Variants in XPNPEP3 observed in about 807,000 individuals in gnomAD.
The protein encoded by XPNPEP3 is X-prolyl aminopeptidase 3.
In XPNPEP3, 41 loss-of-function variants were observed where a neutral mutation model predicts 60.0. That is an observed-to-expected ratio of 0.68 (90% confidence interval 0.53 to 0.89). XPNPEP3 has a LOEUF of 0.89. XPNPEP3 is among the 40% of genes least tolerant of loss of function. The pLI is 0.00. For missense variants in XPNPEP3, 598 were observed against 638.9 expected (o/e 0.94, Z 0.69); for synonymous variants, 212 against 223.2 (o/e 0.95, Z 0.45).
rs558239960 is a variant in XPNPEP3 at position 40,872,999 on chromosome 22, G to C, written c.181+3884G>C. 3.3e-5 allele frequency among the ~76,000 whole-genome samples: 5 copies of C among 151,704 alleles called. No individual in the cohort carries two copies. The East Asian group carries it at 9.7e-4, about 29-fold the overall frequency. ...ATATGTGGTATAGTTTGGAATGCTA[G>C]GTTTAAAAAGGGCTACTCAGGGAGT... is the stretch of plus-strand genomic sequence containing the variant. On this transcript the variant is annotated intron_variant, in intron 2 of 9. Transcript: ENST00000357137.
chr22:40,878,721 G>T (rs2058036704), intron 2 of XPNPEP3, among the ~76,000 whole-genome samples: 1 of 151,798 alleles, frequency 6.6e-6, no homozygotes, highest in Non-Finnish European at 1.5e-5. Flanking sequence ...CAAGTAGCTG[G>T]GACTACAGGT....
chr22:40,882,772 A>AT (rs1248216548), intron 3 of XPNPEP3, among the ~76,000 whole-genome samples: 1 of 152,144 alleles, frequency 6.6e-6, no homozygotes, highest in Admixed American at 6.5e-5. Context: ...AAAGTATATA[A>AT]TTTAAGAGTT....
intron 3 of XPNPEP3, 134 bp downstream of exon 3, chr22:40,882,311 A>G (rs1374974825): frequency 2.9e-6 from 3 of 1,027,780 alleles, no homozygotes; most frequent in Admixed American, 2.4e-5. Context: ...AAAGAAATGT[A>G]AAGTCTTTTT....
rs2058236080 is a variant in XPNPEP3 at position 40,926,809 on chromosome 22, T to C, written c.*374T>C. 1 of 316,308 alleles carries C rather than the reference T, an allele frequency of 3.2e-6. No individual in the cohort carries two copies. 19.6% of individuals were successfully genotyped at this position (316,308 alleles called of 1,614,324 possible). ...TCAAGTCCTTCCCTTTCTATACTTT[T>C]GCTGAGATCAACCCAATATCATAAG... On this transcript the variant is annotated 3_prime_UTR_variant, in exon 10 of 10. Coordinates refer to ENST00000357137, the MANE Select transcript of XPNPEP3 (RefSeq NM_022098.4).
chr22:40,862,696 T>G (rs1002902048), intron 1 of XPNPEP3: 10 of 985,348 alleles, frequency 1.0e-5, no homozygotes, highest in African/African-American at 7.0e-5. Flanking sequence ...CATTTGAGAT[T>G]ATAGTATCTT....
intron 2 of XPNPEP3, among the ~76,000 whole-genome samples, chr22:40,878,664 G>A (rs1425677445): frequency 6.6e-6 from 1 of 150,844 alleles, no homozygotes; most frequent in Non-Finnish European, 1.5e-5. Flanking sequence ...TCAGCTCACT[G>A]CAACCTCTGC....
At position 40,931,505 on chromosome 22, in the gene XPNPEP3, G is replaced by C. The variant is rs1406098753; in HGVS notation, c.*5070G>C. The stretch of plus-strand genomic sequence containing the variant: ...AAGGAGGGATGGTCACTTGAGCCCA[G>C]GAGTTTGAGACCAGCCTAGGCAACA... On this transcript the variant is annotated 3_prime_UTR_variant, in exon 10 of 10. Coordinates refer to ENST00000357137, the MANE Select transcript of XPNPEP3 (RefSeq NM_022098.4). 5 of 152,360 alleles carry C rather than the reference G, an allele frequency of 3.3e-5. No homozygotes were observed. Among genetic ancestry groups the C allele is most frequent in the Admixed American group, 3.3e-4 (5 of 15,284 alleles). The allele number at this position is 152,360 out of a possible 1,614,324, so 9.4% of individuals were successfully genotyped here. A position where few individuals can be genotyped will look rare whatever the true frequency, so the allele number is the denominator to read the frequency against.
chr22:40,886,352 C>CA lies in XPNPEP3; in HGVS notation c.630dup (p.His211ThrfsTer7). ...GTTTGGTATGACTGGATGAGGCCCT[C>CA]ACATGCACAGCTTCACTCTGACTAT... On this transcript the variant is annotated frameshift_variant, in exon 4 of 10. Coordinates refer to ENST00000357137, the MANE Select transcript of XPNPEP3 (RefSeq NM_022098.4). LOFTEE classifies it high-confidence loss of function. 1.9e-6 allele frequency: 3 copies of CA among 1,614,150 alleles called. No homozygotes were observed. The highest frequency in any genetic ancestry group is 2.5e-6 in the Non-Finnish European group (3 of 1,180,030).
chr22:40,928,387 A>T lies in XPNPEP3; in HGVS notation c.*1952A>T, dbSNP rs1787975256. ...ATGCCCAGCTAATTTTTTGTATTTT[A>T]GTAGAGACAGGGTTTCACCCTGTTG... On this transcript the variant is annotated 3_prime_UTR_variant, in exon 10 of 10. Transcript: ENST00000357137. The T allele has an allele frequency of 1.3e-5, 2 of 152,036 alleles. No homozygotes were observed. Among genetic ancestry groups the T allele is most frequent in the Non-Finnish European group, 2.9e-5 (2 of 68,032 alleles). The allele number at this position is 152,036 out of a possible 1,614,324, so 9.4% of individuals were successfully genotyped here.
At chr22:40,912,048 A>G (rs1329798044) in intron 6 of XPNPEP3, among the ~76,000 whole-genome samples, 2 of 152,210 alleles carry the variant, frequency 1.3e-5, no homozygotes, top group African/African-American at 4.8e-5. Flanking sequence ...AAATGCAAAC[A>G]GTGCCAATTT....
In XPNPEP3 at chr22:40,907,657, T is replaced by G; in HGVS notation, c.855+8T>G. ...GCCTTTCTTTATGCTAAGGTGAGAT[T>G]CAGATGGTTAGCTTCACCATCTTGT... On this transcript the variant is annotated splice_region_variant and intron_variant, in intron 5 of 9. Coordinates refer to ENST00000357137, the MANE Select transcript of XPNPEP3 (RefSeq NM_022098.4). The G allele has an allele frequency of 1.2e-6, 2 of 1,613,110 alleles. No homozygotes were observed. Among genetic ancestry groups the G allele is most frequent in the Non-Finnish European group, 1.7e-6 (2 of 1,179,106 alleles).
intron 1 of XPNPEP3, chr22:40,860,733 A>T (rs531420664): frequency 1.2e-6 from 1 of 839,578 alleles, no homozygotes; most frequent in African/African-American, 1.7e-5. Flanking sequence ...TTACACTGCA[A>T]CCTATGTCTT....
intron 3 of XPNPEP3, among the ~76,000 whole-genome samples, chr22:40,885,576 G>A (rs1268328255): frequency 1.3e-5 from 2 of 152,122 alleles, no homozygotes; most frequent in African/African-American, 2.4e-5. Flanking sequence ...GAAAGGATGG[G>A]ACACTTTACC....
chr22:40,922,401 G>A lies in XPNPEP3; in HGVS notation c.1124G>A (p.Cys375Tyr). ...ATCCAAAGAGATTGTTTGGCCCTCT[G>A]CTTCCCTGGGACAAGCTTGGAGAAC... ...LEIQRDCLAL[C>Y]FPGTSLENIY... The change falls in exon 8 of 10, where the codon TGC (cysteine) becomes TAC (tyrosine). Residue 375 changes from cysteine (C) to tyrosine (Y), a missense_variant. Transcript: ENST00000357137. 6.2e-7 allele frequency: 1 copy of A among 1,613,806 alleles called. No homozygotes were observed. Among genetic ancestry groups the A allele is most frequent in the South Asian group, 1.1e-5 (1 of 91,068 alleles).
intron 4 of XPNPEP3, among the ~76,000 whole-genome samples, chr22:40,903,271 A>T (rs2058141823): frequency 6.6e-6 from 1 of 152,134 alleles, no homozygotes; most frequent in South Asian, 2.1e-4. Flanking sequence ...GCTTCTCTAT[A>T]TTCTACCTTT....
chr22:40,911,720 A>G (rs1198994691), intron 6 of XPNPEP3, among the ~76,000 whole-genome samples: 1 of 151,972 alleles, frequency 6.6e-6, no homozygotes, highest in African/African-American at 2.4e-5. Context: ...TTGTATTTTT[A>G]GTAGAAACGA....
chr22:40,886,838 A>G (rs2058071252), intron 4 of XPNPEP3, among the ~76,000 whole-genome samples: 1 of 151,732 alleles, frequency 6.6e-6, no homozygotes. Context: ...AAAAAAAAAA[A>G]AAAAACAAGA....
intron 4 of XPNPEP3, among the ~76,000 whole-genome samples, chr22:40,899,192 T>C (rs1230837947): frequency 2.0e-5 from 3 of 152,178 alleles, no homozygotes; most frequent in Non-Finnish European, 4.4e-5. Flanking sequence ...CGAATTATTT[T>C]AGCTGTGGTT....
intron 1 of XPNPEP3, chr22:40,860,936 C>G: frequency 1.1e-6 from 1 of 925,930 alleles, no homozygotes; most frequent in Non-Finnish European, 1.6e-6. Context: ...AAACTACTAA[C>G]CAAATGTCCA....
Sources: allele counts gnomAD v4.1 joint callset (sites outside exome capture counted in the v4.1 genomes callset), GRCh38; gene constraint gnomAD v4.1.1; transcripts MANE v1.5; gene names NCBI Gene and HGNC (gene_info 2026-07-23, HGNC 2026-07-21).